The following OLA1 variants were observed in gnomAD, a reference collection of about 807,000 sequenced individuals.
The protein encoded by OLA1 is Obg like ATPase 1.
A neutral mutation model predicts 48.4 loss-of-function variants in OLA1; 14 were observed. The observed-to-expected ratio is 0.29, with a 90% confidence interval of 0.19 to 0.45. OLA1 has a LOEUF of 0.45. Ranked by LOEUF, OLA1 falls within the 20% of genes least tolerant of loss-of-function variation. The pLI, the probability that OLA1 is intolerant of heterozygous loss-of-function variation, is 1.00. For synonymous variants in OLA1, 127 were observed against 150.4 expected, an observed-to-expected ratio of 0.84 and a Z score of 1.14; for missense variants, 325 against 467.1, an observed-to-expected ratio of 0.70 and a Z score of 2.80.
chr2:174,201,398 C>T (rs1687986393), intron 4 of OLA1, among the ~76,000 whole-genome samples: 2 of 152,160 alleles, frequency 1.3e-5, no homozygotes, highest in African/African-American at 4.8e-5. Context: ...AGTGCAGTGG[C>T]ACAATCATGG....
At position 174,074,502 on chromosome 2, in the gene OLA1, T is replaced by A. The variant is rs1684680300; in HGVS notation, c.*924A>T. On this transcript the variant is annotated 3_prime_UTR_variant, in exon 11 of 11. Transcript: ENST00000284719. Reference sequence around the variant, plus strand: ...TGAAAAGTAAGAATGAAAGAATTTTTAAAATTTTCAAAGTCTGATCTTAGT... The same window carrying A: ...TGAAAAGTAAGAATGAAAGAATTTTAAAAATTTTCAAAGTCTGATCTTAGT... 6.6e-6 allele frequency: 1 copy of A among 152,232 alleles called. No individual in the cohort carries two copies. Among genetic ancestry groups the A allele is most frequent in the Non-Finnish European group, 1.5e-5 (1 of 68,034 alleles). The allele number at this position is 152,232 out of a possible 1,614,324, so 9.4% of individuals were successfully genotyped here. A position where few individuals can be genotyped will look rare whatever the true frequency, so the allele number is the denominator to read the frequency against.
chr2:174,173,533 T>C (rs867668040), intron 4 of OLA1, among the ~76,000 whole-genome samples: 1 of 150,614 alleles, frequency 6.6e-6, no homozygotes, highest in South Asian at 2.1e-4. Flanking sequence ...TCATTTTAAA[T>C]CTGTGATAAA....
At chr2:174,129,535 T>A (rs554106925) in intron 5 of OLA1, among the ~76,000 whole-genome samples, 6 of 151,060 alleles carry the variant, frequency 4.0e-5, no homozygotes, top group Admixed American at 6.6e-5. Flanking sequence ...GTGATTCCAT[T>A]TATGGTTTTG....
chr2:174,082,109 G>C (rs189325907), intron 7 of OLA1, 45 bp from the exon 8 acceptor site: 1 of 1,594,424 alleles, frequency 6.3e-7, no homozygotes, highest in East Asian at 2.2e-5. Context: ...GTGCATGCAT[G>C]ACTGTACCAC....
At chr2:174,205,711 G>T (rs377225583) in intron 4 of OLA1, among the ~76,000 whole-genome samples, 1 of 152,364 alleles carries the variant, frequency 6.6e-6, no homozygotes, top group East Asian at 1.9e-4. Context: ...GCCACAGAGT[G>T]AGCAAGGACA....
intron 3 of OLA1, among the ~76,000 whole-genome samples, chr2:174,227,147 G>C (rs1418755764): frequency 6.6e-6 from 1 of 152,084 alleles, no homozygotes; most frequent in Admixed American, 6.6e-5. Flanking sequence ...GTTCATGCCT[G>C]TAATCCCACC....
intron 7 of OLA1, among the ~76,000 whole-genome samples, chr2:174,089,554 G>A (rs1033777286): frequency 1.3e-5 from 2 of 152,164 alleles, no homozygotes; most frequent in Non-Finnish European, 2.9e-5. Context: ...CCTCTGCAAT[G>A]TCAAAGAAGT....
intron 4 of OLA1, among the ~76,000 whole-genome samples, chr2:174,171,732 C>T (rs1488766184): frequency 2.6e-5 from 4 of 152,220 alleles, no homozygotes; most frequent in Non-Finnish European, 4.4e-5. Context: ...TAAAACCAAA[C>T]AGGCGTTTGA....
At chr2:174,144,950 AAATATATATAT>A (rs1357770069) in intron 4 of OLA1, among the ~76,000 whole-genome samples, 11 of 63,482 alleles carry the variant, frequency 1.7e-4, no homozygotes, top group Non-Finnish European at 3.4e-4. Flanking sequence ...AAAAAAAAAA[AAATATATATAT>A]ATATATATAT....
At chr2:174,134,762 T>C (rs570467268) in intron 5 of OLA1, among the ~76,000 whole-genome samples, 1 of 152,298 alleles carries the variant, frequency 6.6e-6, no homozygotes, top group South Asian at 2.1e-4. Flanking sequence ...ATACTTAAAA[T>C]GGTTAATGGT....
intron 4 of OLA1, among the ~76,000 whole-genome samples, chr2:174,213,234 G>A (rs191748103): frequency 2.0e-5 from 3 of 150,762 alleles, no homozygotes; most frequent in African/African-American, 7.5e-5. Context: ...TTCTAAACCG[G>A]GAAGAAAACT....
At chr2:174,120,776 G>C (rs747326937) in intron 7 of OLA1, among the ~76,000 whole-genome samples, 14 of 152,176 alleles carry the variant, frequency 9.2e-5, no homozygotes, top group Non-Finnish European at 1.6e-4. Context: ...CAATACTTCT[G>C]AAATGGTGAC....
At chr2:174,240,988 T>C (rs1688986990) in intron 2 of OLA1, among the ~76,000 whole-genome samples, 1 of 152,204 alleles carries the variant, frequency 6.6e-6, no homozygotes, top group African/African-American at 2.4e-5. Context: ...CCCATGTCTC[T>C]GGGCTGGTGT....
intron 2 of OLA1, among the ~76,000 whole-genome samples, chr2:174,236,164 C>A (rs901411503): frequency 6.6e-5 from 10 of 151,158 alleles, no homozygotes; most frequent in African/African-American, 2.4e-4. Context: ...ATAAGACATG[C>A]AAAAAAGCAG....
rs554183239 is a variant in OLA1 at position 174,169,694 on chromosome 2, G to T, written c.374-27694C>A. 3.7e-4 allele frequency among the ~76,000 whole-genome samples: 57 copies of T among 152,290 alleles called. 1 individual carries two copies. The Middle Eastern group carries it at 0.014, about 36-fold the overall frequency. On this transcript the variant is annotated intron_variant, in intron 4 of 10. Coordinates refer to ENST00000284719, the MANE Select transcript of OLA1 (RefSeq NM_013341.5). The stretch of plus-strand genomic sequence containing the variant: ...AACGGTCTTCAAAGTTAAAAGAAAT[G>T]ATAAGTAGAACCTCAGATTCTCAGA...
At chr2:174,150,637 C>T (rs981892085) in intron 4 of OLA1, among the ~76,000 whole-genome samples, 3 of 152,300 alleles carry the variant, frequency 2.0e-5, no homozygotes, top group Admixed American at 2.0e-4. Context: ...CATAAACTGC[C>T]ACCCTTTCAA....
chr2:174,172,127 AC>A, intron 4 of OLA1: 1 of 217,884 alleles, frequency 4.6e-6, no homozygotes, highest in Non-Finnish European at 9.9e-6. Context: ...ATAAAGAATA[AC>A]CCCAAGAAGT....
chr2:174,094,864 A>G (rs910035454), intron 7 of OLA1, among the ~76,000 whole-genome samples: 2 of 152,282 alleles, frequency 1.3e-5, no homozygotes, highest in East Asian at 3.9e-4. Flanking sequence ...GAGTTTGACT[A>G]CTTTAGAAAC....
At chr2:174,226,155 C>T (rs1451002385) in intron 3 of OLA1, among the ~76,000 whole-genome samples, 1 of 39,282 alleles carries the variant, frequency 2.5e-5, no homozygotes, top group Non-Finnish European at 5.3e-5. Context: ...GCCGAGATCC[C>T]GCCACTGCAC....
Sources: allele counts gnomAD v4.1 joint callset (sites outside exome capture counted in the v4.1 genomes callset), GRCh38; gene constraint gnomAD v4.1.1; transcripts MANE v1.5; gene names NCBI Gene and HGNC (gene_info 2026-07-23, HGNC 2026-07-21).